CLIP2: variants seen among roughly 807,000 people sequenced by gnomAD.
CLIP2 encodes the protein CAP-Gly domain-containing linker protein 2.
Under a neutral mutation model 111.7 loss-of-function variants are expected in CLIP2, and 41 were observed. The observed-to-expected ratio is 0.37, with a 90% CI of 0.29 to 0.48. CLIP2 has a LOEUF of 0.48. Among genes scored for constraint, CLIP2 ranks in the 20% least tolerant of loss-of-function variants. The pLI, the probability that CLIP2 is intolerant of heterozygous loss-of-function variation, is 0.99. For missense variants in CLIP2, 1,160 were observed against 1,422.1 expected (o/e 0.82, Z 2.96); for synonymous variants, 660 against 644.2 (o/e 1.02, Z -0.37).
chr7:74,334,000 C>T (rs552896053), intron 2 of CLIP2, among the ~76,000 whole-genome samples: 3 of 152,198 alleles, frequency 2.0e-5, no homozygotes, highest in Non-Finnish European at 4.4e-5. Context: ...CATTGGCTCC[C>T]CTGGGAGGAG....
At chr7:74,317,447 T>G in intron 1 of CLIP2, 33 bp from the exon 2 acceptor site, 1 of 1,293,378 alleles carries the variant, frequency 7.7e-7, no homozygotes, top group Non-Finnish European at 9.9e-7. Flanking sequence ...CATTGGGAAG[T>G]GATGATGTGA....
chr7:74,395,434 G>C (rs1791419485), intron 13 of CLIP2, among the ~76,000 whole-genome samples: 1 of 152,198 alleles, frequency 6.6e-6, no homozygotes, highest in South Asian at 2.1e-4. Flanking sequence ...TGGGATTACA[G>C]GCATGTGCTA....
intron 11 of CLIP2, 61 bp downstream of exon 11, chr7:74,380,924 C>G: frequency 6.5e-7 from 1 of 1,527,228 alleles, no homozygotes; most frequent in South Asian, 1.1e-5. Context: ...CTGGCTCTGC[C>G]TTCCTGCTGG....
At chr7:74,399,548 G>C (rs1225391885) in intron 14 of CLIP2, among the ~76,000 whole-genome samples, 7 of 126,034 alleles carry the variant, frequency 5.6e-5, no homozygotes, top group African/African-American at 2.0e-4. Context: ...TTTTTGGGGG[G>C]GGGGGGGTGG....
intron 1 of CLIP2, among the ~76,000 whole-genome samples, chr7:74,296,380 T>G (rs1788169103): frequency 6.6e-6 from 1 of 151,972 alleles, no homozygotes; most frequent in East Asian, 1.9e-4. Context: ...TGTAGTGGCA[T>G]GCACCTGTAA....
At position 74,295,021 on chromosome 7, in the gene CLIP2, C is replaced by T. The variant is rs1374456169; in HGVS notation, c.-68+5287C>T. ...TGTCACCCAGGCTGGAGTGCAGTGG[C>T]GTGATCTCGGCTCACTGCAGCTTTG... On this transcript the variant is annotated intron_variant, in intron 1 of 16. Coordinates refer to ENST00000223398, the MANE Select transcript of CLIP2 (RefSeq NM_003388.5). 4.6e-5 allele frequency among the ~76,000 whole-genome samples: 7 copies of T among 152,174 alleles called. No homozygotes were observed. The East Asian group carries it at 9.6e-4, about 21-fold the overall frequency.
intron 2 of CLIP2, among the ~76,000 whole-genome samples, chr7:74,323,083 T>TG (rs1309298623): frequency 1.5e-4 from 1 of 6,596 alleles, no homozygotes; most frequent in Non-Finnish European, 3.6e-4. Context: ...TAGCTATGTT[T>TG]TATTTATTTA....
chr7:74,301,243 T>C (rs1788327390), intron 1 of CLIP2, among the ~76,000 whole-genome samples: 1 of 152,238 alleles, frequency 6.6e-6, no homozygotes, highest in Non-Finnish European at 1.5e-5. Flanking sequence ...GTGTGCACTC[T>C]TTTTATGTCC....
chr7:74,313,282 A>G (rs1450579372), intron 1 of CLIP2, among the ~76,000 whole-genome samples: 1 of 151,630 alleles, frequency 6.6e-6, no homozygotes, highest in Non-Finnish European at 1.5e-5. Flanking sequence ...TCCAGCCTCC[A>G]GCTGGAGTGG....
chr7:74,318,309 G>A (rs1196893239), intron 2 of CLIP2, among the ~76,000 whole-genome samples: 1 of 152,078 alleles, frequency 6.6e-6, no homozygotes, highest in East Asian at 1.9e-4. Flanking sequence ...GGAGGTGTGC[G>A]GGGAGTTTCA....
Position 74,296,788 on chromosome 7 carries a change from CA to C in CLIP2, c.-68+7071del, listed in dbSNP as rs3044389. On this transcript the variant is annotated intron_variant, in intron 1 of 16. Transcript: ENST00000223398. ...TGGGTGACAGAGTAAGATTTTGTCT[CA>C]AAAAAAAAAAAAAAAAGAGAAAAGA... Among the ~76,000 whole-genome samples the C allele has an allele frequency of 5.6e-3, 670 of 120,122 alleles. 3 individuals carry two copies. The highest frequency in any genetic ancestry group is 0.012 in the Middle Eastern group (3 of 246). 78.8% of individuals were successfully genotyped at this position (120,122 alleles called of 152,430 possible).
In CLIP2 at chr7:74,339,011, G is replaced by A; in HGVS notation, c.678+7G>A. 6.3e-7 allele frequency: 1 copy of A among 1,593,042 alleles called. No homozygotes were observed. Among genetic ancestry groups the A allele is most frequent in the Non-Finnish European group, 8.5e-7 (1 of 1,176,478 alleles). On this transcript the variant is annotated splice_region_variant and intron_variant, in intron 3 of 16. Transcript: ENST00000223398. ...CCTGGGGGACCGCGTGCTGGTGAGT[G>A]CGGGCAGTACTGGGCTCTGGGCCCA...
At chr7:74,400,287 A>C in intron 14 of CLIP2, 83 bp from the exon 15 acceptor site, 1 of 1,238,592 alleles carries the variant, frequency 8.1e-7, no homozygotes, top group East Asian at 2.5e-5. Context: ...GTGAGGCTGG[A>C]AGACTTTCCT....
intron 1 of CLIP2, among the ~76,000 whole-genome samples, chr7:74,296,008 A>AC (rs1554726059): frequency 6.6e-6 from 1 of 151,558 alleles, no homozygotes; most frequent in East Asian, 1.9e-4. Context: ...AAAAAAAAAA[A>AC]AGCGTTTTTA....
At chr7:74,352,674 G>A (rs1554307765) in intron 3 of CLIP2, among the ~76,000 whole-genome samples, 1 of 148,414 alleles carries the variant, frequency 6.7e-6, no homozygotes, top group South Asian at 2.2e-4. Context: ...TCAGGAGGCT[G>A]AGGTAGGAGA....
intron 12 of CLIP2, among the ~76,000 whole-genome samples, 185 bp downstream of exon 12, chr7:74,386,789 G>C (rs1279969444): frequency 6.6e-6 from 1 of 152,066 alleles, no homozygotes; most frequent in African/African-American, 2.4e-5. Context: ...TTGGGAGTCC[G>C]AGGCAGGCGG....
At chr7:74,328,273 A>G (rs1458988391) in intron 2 of CLIP2, among the ~76,000 whole-genome samples, 1 of 152,172 alleles carries the variant, frequency 6.6e-6, no homozygotes, top group Admixed American at 6.6e-5. Flanking sequence ...TGGAGACCCC[A>G]TTCCTTCCTT....
In CLIP2 at chr7:74,368,394, G is replaced by A. The variant is rs1375371712; in HGVS notation, c.1380+4079G>A. Reference sequence around the variant, plus strand: ...TAGCCGGGCCTGGTGGTGGGCGCCTGTAATCCCAGCTATACAGGAGGCTGA... The same window carrying A: ...TAGCCGGGCCTGGTGGTGGGCGCCTATAATCCCAGCTATACAGGAGGCTGA... On this transcript the variant is annotated intron_variant, in intron 8 of 16. Coordinates refer to ENST00000223398, the MANE Select transcript of CLIP2 (RefSeq NM_003388.5). 2.0e-5 allele frequency among the ~76,000 whole-genome samples: 3 copies of A among 151,908 alleles called. No homozygotes were observed. In the South Asian group the frequency reaches 6.2e-4, roughly 32 times the overall value.
intron 3 of CLIP2, among the ~76,000 whole-genome samples, chr7:74,349,508 A>ATG (rs1165609228): frequency 3.7e-5 from 5 of 136,696 alleles, no homozygotes; most frequent in South Asian, 2.3e-4. Flanking sequence ...ATATATATAT[A>ATG]TATGTAAATA....
Sources: allele counts gnomAD v4.1 joint callset (sites outside exome capture counted in the v4.1 genomes callset), GRCh38; gene constraint gnomAD v4.1.1; transcripts MANE v1.5; gene names NCBI Gene and HGNC (gene_info 2026-07-23, HGNC 2026-07-21).